PABPC4L: variants seen among roughly 807,000 people sequenced by gnomAD.
The protein encoded by PABPC4L is poly(A) binding protein cytoplasmic 4 like.
For missense variants in PABPC4L, 452 were observed against 451.4 expected, an observed-to-expected ratio of 1.00 and a Z score of -0.01; for synonymous variants, 169 against 164.1, an observed-to-expected ratio of 1.03 and a Z score of -0.23.
chr4:133,982,115 G>T, the PABPC4L span, among the ~76,000 whole-genome samples: 132 of 151,984 alleles, frequency 8.7e-4, 1 homozygote, highest in African/African-American at 3.1e-3. Flanking sequence ...AAATATAAAC[G>T]TCTATTCCTG....
upstream of PABPC4L, chr4:134,201,874 C>G (rs1173653953): frequency 6.6e-6 from 1 of 152,456 alleles, no homozygotes; most frequent in African/African-American, 2.4e-5. Context: ...CCTCAGATGG[C>G]TAAGCTGAGA....
At chr4:134,015,699 T>A in the PABPC4L span, among the ~76,000 whole-genome samples, 1 of 152,134 alleles carries the variant, frequency 6.6e-6, no homozygotes, top group Non-Finnish European at 1.5e-5. Flanking sequence ...CTTTCCTTCC[T>A]AGGCATGGTT....
the PABPC4L span, among the ~76,000 whole-genome samples, chr4:134,129,837 G>A: frequency 6.6e-6 from 1 of 151,946 alleles, no homozygotes; most frequent in African/African-American, 2.4e-5. Flanking sequence ...GGGAGGCCAA[G>A]GCGGGGGAAA....
Position 134,200,963 on chromosome 4 carries a change from T to A in PABPC4L, c.57A>T (p.Ala19=). 1 of 1,554,320 alleles carries A rather than the reference T, an allele frequency of 6.4e-7. No homozygotes were observed. Among genetic ancestry groups the A allele is most frequent in the Non-Finnish European group, 8.7e-7 (1 of 1,148,470 alleles). The change falls in exon 2 of 2, where the codon GCA becomes GCT. Residue 19 remains alanine (A), a synonymous_variant. Coordinates refer to ENST00000421491, the MANE Select transcript of PABPC4L (RefSeq NM_001114734.2). ...MASLYVGDLH[A]DVTEDLLFRK... is the part of the protein sequence containing the mutation. ...TGAACAGCAGGTCCTCGGTGACATCTGCATGTAAGTCACCCACATACAGGG... is the reference window on the plus strand; with the variant it reads ...TGAACAGCAGGTCCTCGGTGACATCAGCATGTAAGTCACCCACATACAGGG...
At chr4:134,023,081 C>T in the PABPC4L span, among the ~76,000 whole-genome samples, 1 of 151,996 alleles carries the variant, frequency 6.6e-6, no homozygotes, top group African/African-American at 2.4e-5. Context: ...ACTGTGTCTG[C>T]ACCTGTTATC....
At chr4:134,053,057 A>G in the PABPC4L span, among the ~76,000 whole-genome samples, 2 of 152,084 alleles carry the variant, frequency 1.3e-5, no homozygotes, top group Non-Finnish European at 2.9e-5. Flanking sequence ...AATAACATGT[A>G]TTATAGACCT....
chr4:134,014,056 T>A, the PABPC4L span, among the ~76,000 whole-genome samples: 1 of 152,158 alleles, frequency 6.6e-6, no homozygotes, highest in Non-Finnish European at 1.5e-5. Flanking sequence ...TTTAGGCTCT[T>A]TTTCATCAAA....
chr4:134,128,421 A>G, the PABPC4L span, among the ~76,000 whole-genome samples: 2 of 152,182 alleles, frequency 1.3e-5, no homozygotes, highest in African/African-American at 4.8e-5. Context: ...CGAAAGCATC[A>G]GGTAACCTAT....
the PABPC4L span, among the ~76,000 whole-genome samples, chr4:134,131,496 G>A: frequency 1.3e-5 from 2 of 151,678 alleles, no homozygotes; most frequent in African/African-American, 4.8e-5. Flanking sequence ...TAACCAAGGA[G>A]GTGAAAGACC....
At chr4:134,124,076 A>T in the PABPC4L span, among the ~76,000 whole-genome samples, 1 of 152,214 alleles carries the variant, frequency 6.6e-6, no homozygotes, top group East Asian at 1.9e-4. Flanking sequence ...ATCAGGGGTA[A>T]TTCTATGGTT....
chr4:134,163,311 G>A, the PABPC4L span, among the ~76,000 whole-genome samples: 15 of 152,006 alleles, frequency 9.9e-5, no homozygotes, highest in African/African-American at 3.4e-4. Context: ...TAATCTGGAA[G>A]AAACAGAAAT....
chr4:133,998,761 G>A, the PABPC4L span, among the ~76,000 whole-genome samples: 1 of 151,624 alleles, frequency 6.6e-6, no homozygotes. Flanking sequence ...ATGTTGGCAT[G>A]GAGTTGGATA....
chr4:134,051,284 G>A, the PABPC4L span, among the ~76,000 whole-genome samples: 10 of 152,110 alleles, frequency 6.6e-5, no homozygotes, highest in Admixed American at 2.0e-4. Context: ...CTTGCCCATC[G>A]AAATTAATCT....
the PABPC4L span, among the ~76,000 whole-genome samples, chr4:133,979,507 C>T: frequency 1.3e-5 from 2 of 152,106 alleles, no homozygotes; most frequent in African/African-American, 4.8e-5. Flanking sequence ...CCAACAGATG[C>T]AATACAGACA....
chr4:134,115,754 G>A, the PABPC4L span, among the ~76,000 whole-genome samples: 1 of 151,636 alleles, frequency 6.6e-6, no homozygotes, highest in African/African-American at 2.4e-5. Flanking sequence ...ACTGCCTGAA[G>A]AATAATATAG....
chr4:134,061,625 AGAGAGAG>A, the PABPC4L span, among the ~76,000 whole-genome samples: 1 of 13,096 alleles, frequency 7.6e-5, no homozygotes, highest in Non-Finnish European at 1.3e-4. Context: ...ATACACAGAG[AGAGAGAG>A]AGAGAGAGAG....
chr4:133,975,701 AAT>A, the PABPC4L span, among the ~76,000 whole-genome samples: 1 of 152,120 alleles, frequency 6.6e-6, no homozygotes, highest in Non-Finnish European at 1.5e-5. Flanking sequence ...ATGATAAGGC[AAT>A]AAAAGGAATC....
At chr4:134,066,864 C>A in the PABPC4L span, among the ~76,000 whole-genome samples, 7 of 152,056 alleles carry the variant, frequency 4.6e-5, no homozygotes, top group African/African-American at 1.7e-4. Context: ...TATGTTAAAC[C>A]AAACTTGCAT....
At chr4:133,991,673 A>G in the PABPC4L span, among the ~76,000 whole-genome samples, 5 of 152,316 alleles carry the variant, frequency 3.3e-5, no homozygotes, top group African/African-American at 9.6e-5. Flanking sequence ...AAGTGTGCCT[A>G]TGAATCTTTT....
Sources: allele counts gnomAD v4.1 joint callset (sites outside exome capture counted in the v4.1 genomes callset), GRCh38; gene constraint gnomAD v4.1.1; transcripts MANE v1.5; gene names NCBI Gene and HGNC (gene_info 2026-07-23, HGNC 2026-07-21).